The following KCNQ1OT1 variants were observed in gnomAD, a reference collection of about 807,000 sequenced individuals.
KCNQ1OT1 encodes KCNQ1 opposite strand/antisense transcript 1.
Position 2,659,431 on chromosome 11 carries a change from C to G in KCNQ1OT1, n.40564G>C, listed in dbSNP as rs1784943828. ...GATTCATCCATGTTGTTGCATAAATCATTAGTTAATTTCTTTTTATTGCTG... is the reference window on the plus strand; with the variant it reads ...GATTCATCCATGTTGTTGCATAAATGATTAGTTAATTTCTTTTTATTGCTG... On this transcript the variant is annotated non_coding_transcript_exon_variant, in exon 1 of 1. Transcript: ENST00000597346. This position sits in a 1 kb window ranked among gnomAD's most constrained non-coding sequence, Gnocchi z 4.3. 1 of 398,464 alleles carries G rather than the reference C, an allele frequency of 2.5e-6. No individual in the cohort carries two copies. The highest frequency in any genetic ancestry group is 4.4e-6 in the Non-Finnish European group (1 of 226,032). The allele number at this position is 398,464 out of a possible 1,614,324, so 24.7% of individuals were successfully genotyped here.
At position 2,645,159 on chromosome 11, in the gene KCNQ1OT1, A is replaced by T. The variant is rs949287186; in HGVS notation, n.54836T>A. The stretch of plus-strand genomic sequence containing the variant: ...TGGCAGAACAATCTTCTGCCTCCCA[A>T]GGTGTCCATGCTGGTATTGGGATGG... On this transcript the variant is annotated non_coding_transcript_exon_variant, in exon 1 of 1. Transcript: ENST00000597346. The surrounding 1 kb of genome is among the most constrained non-coding windows in gnomAD (Gnocchi z 5.8). The T allele has an allele frequency of 3.5e-5, 14 of 398,556 alleles. No individual in the cohort carries two copies. The highest frequency in any genetic ancestry group is 5.3e-5 in the Non-Finnish European group (12 of 226,118). 24.7% of individuals were successfully genotyped at this position (398,556 alleles called of 1,614,324 possible).
chr11:2,662,861 C>G, exon 1 of KCNQ1OT1: 1 of 398,750 alleles, frequency 2.5e-6, no homozygotes, highest in Non-Finnish European at 4.4e-6. Flanking sequence ...TTCTCTCTAC[C>G]AACATTTTTC....
chr11:2,685,921 T>C, exon 1 of KCNQ1OT1: 1 of 398,734 alleles, frequency 2.5e-6, no homozygotes. Context: ...CCTGACCAAG[T>C]TCTGGGCCCA....
exon 1 of KCNQ1OT1, chr11:2,646,609 T>C: frequency 2.5e-6 from 1 of 398,702 alleles, no homozygotes; most frequent in East Asian, 3.6e-5. Context: ...CACTGCAACC[T>C]TCACCTCCGA....
rs535325556 is a variant in KCNQ1OT1, at chr11:2,642,779, T to C, written n.57216A>G. On this transcript the variant is annotated non_coding_transcript_exon_variant, in exon 1 of 1. Transcript: ENST00000597346. This position sits in a 1 kb window ranked among gnomAD's most constrained non-coding sequence, Gnocchi z 4.3. ...TAGATTATTTAAGATCTTTTCTACC[T>C]TTTTTAATGGAGGCATTTATTACAA... 17 of 397,830 alleles carry C rather than the reference T, an allele frequency of 4.3e-5. No homozygotes were observed. The highest frequency in any genetic ancestry group is 8.2e-5 in the African/African-American group (4 of 48,722). The allele number at this position is 397,830 out of a possible 1,614,324, so 24.6% of individuals were successfully genotyped here. A position where few individuals can be genotyped will look rare whatever the true frequency, so the allele number is the denominator to read the frequency against.
rs190312247 is a variant in KCNQ1OT1 at position 2,624,301 on chromosome 11, T to C, written n.75694A>G. ...TAATTGTTATGTTTTTAAGGTTCTTTATATATTTTGGATGAGTCCTTTATC... is the reference window on the plus strand; with the variant it reads ...TAATTGTTATGTTTTTAAGGTTCTTCATATATTTTGGATGAGTCCTTTATC... On this transcript the variant is annotated non_coding_transcript_exon_variant, in exon 1 of 1. Coordinates refer to ENST00000597346, the Ensembl canonical transcript of KCNQ1OT1. The surrounding 1 kb of genome is among the most constrained non-coding windows in gnomAD (Gnocchi z 4.9). The C allele has an allele frequency of 1.2e-3, 477 of 398,570 alleles. 3 individuals carry two copies. Among genetic ancestry groups the C allele is most frequent in the African/African-American group, 9.1e-3 (444 of 48,754 alleles). 24.7% of individuals were successfully genotyped at this position (398,570 alleles called of 1,614,324 possible).
rs3831584 is a variant in KCNQ1OT1, at chr11:2,682,475, CGAGT to C, written n.17516_17519del. On this transcript the variant is annotated non_coding_transcript_exon_variant, in exon 1 of 1. Coordinates refer to ENST00000597346, the Ensembl canonical transcript of KCNQ1OT1. The surrounding 1 kb of genome is among the most constrained non-coding windows in gnomAD (Gnocchi z 5.8). ...TCACGGACCCTCAGTGAATGTTTGACGAGTGAGTGAGTGAGTGAGTGAGTGAGTG... is the reference window on the plus strand; with the variant it reads ...TCACGGACCCTCAGTGAATGTTTGACGAGTGAGTGAGTGAGTGAGTGAGTG... The C allele has an allele frequency of 2.5e-3, 966 of 393,812 alleles. 1 individual carries two copies. The highest frequency in any genetic ancestry group is 6.4e-3 in the African/African-American group (308 of 47,822). The allele number at this position is 393,812 out of a possible 1,614,324, so 24.4% of individuals were successfully genotyped here.
At chr11:2,696,634 TA>T in exon 1 of KCNQ1OT1, 1 of 398,654 alleles carries the variant, frequency 2.5e-6, no homozygotes, top group Non-Finnish European at 4.4e-6. Context: ...CTGTTGAACT[TA>T]ACAGATTTGG....
Position 2,657,968 on chromosome 11 carries a change from G to GT in KCNQ1OT1, n.42026dup. 5.0e-6 allele frequency: 2 copies of GT among 398,560 alleles called. No individual in the cohort carries two copies. Among genetic ancestry groups the GT allele is most frequent in the Non-Finnish European group, 4.4e-6 (1 of 226,048 alleles). 24.7% of individuals were successfully genotyped at this position (398,560 alleles called of 1,614,324 possible). A position where few individuals can be genotyped will look rare whatever the true frequency, so the allele number is the denominator to read the frequency against. ...AACCTTGAGCCACTCGTTTAAAGTG[G>GT]TGTCGGCCAGGCTCCTCCACTGTAA... On this transcript the variant is annotated non_coding_transcript_exon_variant, in exon 1 of 1. Transcript: ENST00000597346. This position sits in a 1 kb window ranked among gnomAD's most constrained non-coding sequence, Gnocchi z 4.8.
chr11:2,621,586 T>C lies in KCNQ1OT1; in HGVS notation n.78409A>G. 5.0e-6 allele frequency: 2 copies of C among 398,538 alleles called. No individual in the cohort carries two copies. Among genetic ancestry groups the C allele is most frequent in the Non-Finnish European group, 8.8e-6 (2 of 226,036 alleles). The allele number at this position is 398,538 out of a possible 1,614,324, so 24.7% of individuals were successfully genotyped here. On this transcript the variant is annotated non_coding_transcript_exon_variant, in exon 1 of 1. Coordinates refer to ENST00000597346, the Ensembl canonical transcript of KCNQ1OT1. The surrounding 1 kb of genome is among the most constrained non-coding windows in gnomAD (Gnocchi z 5.7). Reference sequence around the variant, plus strand: ...CTCTTTGCTATTGGTCTGTTCAGGCTTTCTATTCCTGATTTAATCTTAGCA... The same window carrying C: ...CTCTTTGCTATTGGTCTGTTCAGGCCTTCTATTCCTGATTTAATCTTAGCA...
Position 2,642,886 on chromosome 11 carries a change from A to T in KCNQ1OT1, n.57109T>A, listed in dbSNP as rs1187140954. The T allele has an allele frequency of 2.5e-6, 1 of 397,652 alleles. No homozygotes were observed. The highest frequency in any genetic ancestry group is 4.4e-6 in the Non-Finnish European group (1 of 225,658). 24.6% of individuals were successfully genotyped at this position (397,652 alleles called of 1,614,324 possible). A position where few individuals can be genotyped will look rare whatever the true frequency, so the allele number is the denominator to read the frequency against. On this transcript the variant is annotated non_coding_transcript_exon_variant, in exon 1 of 1. Transcript: ENST00000597346. This position sits in a 1 kb window ranked among gnomAD's most constrained non-coding sequence, Gnocchi z 4.3. ...CTTCTATTTTCACTTGTTTCAGTAA[A>T]TTTTTTATTTCTGCCTTAATTTCTT...
In KCNQ1OT1 at chr11:2,645,799, T is replaced by A; in HGVS notation, n.54196A>T. 2.5e-6 allele frequency: 1 copy of A among 398,416 alleles called. No homozygotes were observed. The highest frequency in any genetic ancestry group is 4.4e-6 in the Non-Finnish European group (1 of 226,102). 24.7% of individuals were successfully genotyped at this position (398,416 alleles called of 1,614,324 possible). A position where few individuals can be genotyped will look rare whatever the true frequency, so the allele number is the denominator to read the frequency against. ...CACAGCAGATGCAGTCTGGTGGGGGTTGGGCTATCAAAATGGGACTTTCCT... is the reference window on the plus strand; with the variant it reads ...CACAGCAGATGCAGTCTGGTGGGGGATGGGCTATCAAAATGGGACTTTCCT... On this transcript the variant is annotated non_coding_transcript_exon_variant, in exon 1 of 1. Coordinates refer to ENST00000597346, the Ensembl canonical transcript of KCNQ1OT1. The surrounding 1 kb of genome is among the most constrained non-coding windows in gnomAD (Gnocchi z 5.8).
rs1008084555 is a variant in KCNQ1OT1 at position 2,624,046 on chromosome 11, T to C, written n.75949A>G. 65 of 399,256 alleles carry C rather than the reference T, an allele frequency of 1.6e-4. No individual in the cohort carries two copies. The highest frequency in any genetic ancestry group is 4.0e-5 in the Non-Finnish European group (9 of 226,690). The allele number at this position is 399,256 out of a possible 1,614,324, so 24.7% of individuals were successfully genotyped here. A position where few individuals can be genotyped will look rare whatever the true frequency, so the allele number is the denominator to read the frequency against. On this transcript the variant is annotated non_coding_transcript_exon_variant, in exon 1 of 1. Transcript: ENST00000597346. The surrounding 1 kb of genome is among the most constrained non-coding windows in gnomAD (Gnocchi z 4.9). Reference sequence around the variant, plus strand: ...TGCATTCCCACCAGCAATGGATGAGTGTTCCTGTTGCCCCACATATTGGCA... The same window carrying C: ...TGCATTCCCACCAGCAATGGATGAGCGTTCCTGTTGCCCCACATATTGGCA...
chr11:2,629,573 T>C (rs1042475976), exon 1 of KCNQ1OT1: 11 of 398,386 alleles, frequency 2.8e-5, no homozygotes, highest in African/African-American at 8.2e-5. Context: ...CCTGGCACCA[T>C]TTGTTGAAAA....
In KCNQ1OT1 at chr11:2,642,811, T is replaced by C; in HGVS notation, n.57184A>G. 2.5e-6 allele frequency: 1 copy of C among 397,852 alleles called. No homozygotes were observed. The highest frequency in any genetic ancestry group is 4.4e-6 in the Non-Finnish European group (1 of 225,670). The allele number at this position is 397,852 out of a possible 1,614,324, so 24.6% of individuals were successfully genotyped here. On this transcript the variant is annotated non_coding_transcript_exon_variant, in exon 1 of 1. Coordinates refer to ENST00000597346, the Ensembl canonical transcript of KCNQ1OT1. The surrounding 1 kb of genome is among the most constrained non-coding windows in gnomAD (Gnocchi z 4.3). ...ATGGAGGCATTTATTACAATAAACT[T>C]TCCTCTTAGCATTGCTTTTGCAGTA...
Position 2,651,677 on chromosome 11 carries a change from G to A in KCNQ1OT1, n.48318C>T, listed in dbSNP as rs1039735630. ...ACAGCTCACTGACATTAGCCACGTG[G>A]CCCTCTGTTTCCTGTAATAGGCCAT... On this transcript the variant is annotated non_coding_transcript_exon_variant, in exon 1 of 1. Transcript: ENST00000597346. This position sits in a 1 kb window ranked among gnomAD's most constrained non-coding sequence, Gnocchi z 6.1. 1.3e-5 allele frequency: 5 copies of A among 398,626 alleles called. No homozygotes were observed. The highest frequency in any genetic ancestry group is 2.2e-5 in the Non-Finnish European group (5 of 226,076). The allele number at this position is 398,626 out of a possible 1,614,324, so 24.7% of individuals were successfully genotyped here.
At chr11:2,662,080 C>A in exon 1 of KCNQ1OT1, 1 of 1,614,234 alleles carries the variant, frequency 6.2e-7, no homozygotes, top group Non-Finnish European at 8.5e-7. Context: ...CCACATCTCA[C>A]AGTGAGTGCC....
rs1590020898 is a variant in KCNQ1OT1 at position 2,669,903 on chromosome 11, G to T, written n.30092C>A. On this transcript the variant is annotated non_coding_transcript_exon_variant, in exon 1 of 1. Transcript: ENST00000597346. This position sits in a 1 kb window ranked among gnomAD's most constrained non-coding sequence, Gnocchi z 5.6. ...TGTCCTTAATAAGATGTGCCTAGAG[G>T]CCTGAGAGTCCCAAGCTCCAGGACA... 2 of 398,582 alleles carry T rather than the reference G, an allele frequency of 5.0e-6. No individual in the cohort carries two copies. The highest frequency in any genetic ancestry group is 8.8e-6 in the Non-Finnish European group (2 of 226,076). The allele number at this position is 398,582 out of a possible 1,614,324, so 24.7% of individuals were successfully genotyped here. A position where few individuals can be genotyped will look rare whatever the true frequency, so the allele number is the denominator to read the frequency against.
rs952620737 is a variant in KCNQ1OT1, at chr11:2,678,350, G to A, written n.21645C>T. 15 of 397,868 alleles carry A rather than the reference G, an allele frequency of 3.8e-5. No individual in the cohort carries two copies. Among genetic ancestry groups the A allele is most frequent in the African/African-American group, 1.4e-4 (7 of 48,420 alleles). 24.6% of individuals were successfully genotyped at this position (397,868 alleles called of 1,614,324 possible). On this transcript the variant is annotated non_coding_transcript_exon_variant, in exon 1 of 1. Coordinates refer to ENST00000597346, the Ensembl canonical transcript of KCNQ1OT1. The surrounding 1 kb of genome is among the most constrained non-coding windows in gnomAD (Gnocchi z 4.9). ...TTTACATTTAAATCCTTGCTTTATC[G>A]GGATTTTGACAGAGTAATTAAATCC...
Sources: gnomAD v4.1 joint callset for allele counts on GRCh38, gnomAD v4.1.1 for gene constraint, Gnocchi (gnomAD v3.1) non-coding constraint, MANE v1.5 for transcripts, NCBI Gene and HGNC (gene_info 2026-07-23, HGNC 2026-07-21) for gene names.